The following PARN variants were observed in gnomAD, a reference collection of about 807,000 sequenced individuals.
PARN encodes poly(A)-specific ribonuclease, also known as poly(A)-specific ribonuclease PARN.
A neutral mutation model predicts 102.8 loss-of-function variants in PARN; 71 were observed. The ratio of observed to expected loss-of-function variants is 0.69; its 90% CI spans 0.57 to 0.84. The LOEUF (loss-of-function observed/expected upper bound fraction) is 0.84, where lower values mean the gene tolerates loss of function less well. Ranked by LOEUF, PARN falls within the 40% of genes least tolerant of loss-of-function variation. The pLI, the probability that PARN is intolerant of heterozygous loss-of-function variation, is 0.00. For missense variants in PARN, 782 were observed against 760.9 expected (o/e 1.03, Z -0.33); for synonymous variants, 261 against 252.9 (o/e 1.03, Z -0.30).
intron 21 of PARN, among the ~76,000 whole-genome samples, chr16:14,511,190 A>G (rs543835069): frequency 3.7e-4 from 56 of 152,364 alleles, no homozygotes; most frequent in African/African-American, 1.3e-3. Context: ...CTGCTAGCTT[A>G]AAGCCTTAAG....
chr16:14,598,895 C>G (rs1005264071), intron 12 of PARN, among the ~76,000 whole-genome samples: 1 of 152,138 alleles, frequency 6.6e-6, no homozygotes, highest in African/African-American at 2.4e-5. Flanking sequence ...TAAGATGATT[C>G]CTTCTCCCAG....
At chr16:14,457,130 T>C (rs752574229) in intron 22 of PARN, among the ~76,000 whole-genome samples, 1 of 152,156 alleles carries the variant, frequency 6.6e-6, no homozygotes, top group Non-Finnish European at 1.5e-5. Context: ...AAACAACAAA[T>C]TGCTTATTTT....
intron 21 of PARN, among the ~76,000 whole-genome samples, chr16:14,488,304 T>C (rs1171116495): frequency 2.0e-5 from 3 of 152,094 alleles, no homozygotes; most frequent in African/African-American, 7.2e-5. Context: ...GAAATATAAG[T>C]GAGTATCTTT....
intron 21 of PARN, among the ~76,000 whole-genome samples, chr16:14,531,373 A>C (rs996942111): frequency 1.3e-5 from 2 of 151,958 alleles, no homozygotes; most frequent in Non-Finnish European, 2.9e-5. Context: ...AAAAAAAAAA[A>C]CAGATGAATC....
At position 14,617,939 on chromosome 16, in the gene PARN, T is replaced by C. The variant is rs565613833; in HGVS notation, c.328-289A>G. On this transcript the variant is annotated intron_variant, in intron 5 of 23. Transcript: ENST00000437198. The stretch of plus-strand genomic sequence containing the variant: ...CCAGGCTGGTCTCAAACTTCCGGAC[T>C]CAAGCAATCCTCCTGCCTCGGCCTC... Among the ~76,000 whole-genome samples the C allele has an allele frequency of 2.2e-4, 34 of 152,300 alleles. No homozygotes were observed. In the East Asian group the frequency reaches 6.6e-3, roughly 29 times the overall value.
At chr16:14,561,382 T>C (rs1425288365) in intron 18 of PARN, among the ~76,000 whole-genome samples, 1 of 152,130 alleles carries the variant, frequency 6.6e-6, no homozygotes, top group South Asian at 2.1e-4. Context: ...ACTCAGAAAC[T>C]CTGGACTGAG....
At chr16:14,586,106 A>G (rs1309344390) in intron 14 of PARN, among the ~76,000 whole-genome samples, 2 of 150,958 alleles carry the variant, frequency 1.3e-5, no homozygotes, top group Non-Finnish European at 2.9e-5. Flanking sequence ...CAGCCTCCTG[A>G]GTAGCTGGAC....
chr16:14,584,501 A>C (rs1373954049), intron 15 of PARN, 79 bp from the exon 16 acceptor site: 2 of 1,147,888 alleles, frequency 1.7e-6, no homozygotes, highest in Non-Finnish European at 2.6e-6. Context: ...GACCCCCCCA[A>C]AAAAAAGACA....
chr16:14,622,792 C>A (rs1050676972), intron 5 of PARN, among the ~76,000 whole-genome samples: 1 of 152,074 alleles, frequency 6.6e-6, no homozygotes, highest in Non-Finnish European at 1.5e-5. Flanking sequence ...AGGAGTGAGT[C>A]ACCACACCCG....
chr16:14,542,804 GA>G (rs1320998949), intron 21 of PARN, among the ~76,000 whole-genome samples: 1 of 152,074 alleles, frequency 6.6e-6, no homozygotes, highest in Non-Finnish European at 1.5e-5. Flanking sequence ...AACGAACACA[GA>G]AAAAAGGAAC....
chr16:14,581,984 G>A (rs759666583), intron 17 of PARN, among the ~76,000 whole-genome samples, 197 bp downstream of exon 17: 8 of 152,220 alleles, frequency 5.3e-5, no homozygotes, highest in Non-Finnish European at 8.8e-5. Flanking sequence ...CTGCAAACCA[G>A]GAAGTGGGCT....
chr16:14,513,023 C>G (rs190277818), intron 21 of PARN, among the ~76,000 whole-genome samples: 1 of 152,244 alleles, frequency 6.6e-6, no homozygotes, highest in East Asian at 1.9e-4. Flanking sequence ...CTCCAGGATT[C>G]AAGCGATTCT....
intron 13 of PARN, among the ~76,000 whole-genome samples, chr16:14,589,136 C>T (rs1970024352): frequency 6.6e-6 from 1 of 151,756 alleles, no homozygotes; most frequent in Non-Finnish European, 1.5e-5. Context: ...GTCAAGATCG[C>T]ACCACTGCAC....
chr16:14,451,223 C>A (rs888115839), intron 22 of PARN, among the ~76,000 whole-genome samples: 2 of 152,208 alleles, frequency 1.3e-5, no homozygotes, highest in Admixed American at 6.5e-5. Context: ...CATGCTAAGA[C>A]CCTACTGCCC....
chr16:14,613,640 A>G (rs915807663), intron 6 of PARN, among the ~76,000 whole-genome samples: 9 of 152,134 alleles, frequency 5.9e-5, no homozygotes, highest in Non-Finnish European at 1.2e-4. Context: ...ATAACAACAA[A>G]GCCATGGGAC....
chr16:14,522,424 T>C (rs1242428360), intron 21 of PARN, among the ~76,000 whole-genome samples: 1 of 152,148 alleles, frequency 6.6e-6, no homozygotes, highest in Non-Finnish European at 1.5e-5. Flanking sequence ...ACCTGAAATC[T>C]AGCTACCTGG....
At chr16:14,437,646 C>G (rs1019580897) in intron 23 of PARN, among the ~76,000 whole-genome samples, 2 of 152,156 alleles carry the variant, frequency 1.3e-5, no homozygotes, top group Non-Finnish European at 2.9e-5. Context: ...CCCGACCAGG[C>G]GTCAGCTGCA....
chr16:14,439,947 G>A (rs752798567), intron 23 of PARN, among the ~76,000 whole-genome samples: 4 of 152,094 alleles, frequency 2.6e-5, no homozygotes, highest in Admixed American at 6.6e-5. Flanking sequence ...CCCGAGAGGC[G>A]GAGGTTGCAG....
intron 21 of PARN, among the ~76,000 whole-genome samples, chr16:14,550,810 G>C (rs1245686164): frequency 6.6e-6 from 1 of 152,082 alleles, no homozygotes; most frequent in Non-Finnish European, 1.5e-5. Flanking sequence ...AAATTTACTT[G>C]AATATACAGC....
Sources: allele counts gnomAD v4.1 joint callset (sites outside exome capture counted in the v4.1 genomes callset), GRCh38; gene constraint gnomAD v4.1.1; transcripts MANE v1.5; gene names NCBI Gene and HGNC (gene_info 2026-07-23, HGNC 2026-07-21).